The following NFASC variants were observed in gnomAD, a reference collection of about 807,000 sequenced individuals.
The protein encoded by NFASC is neurofascin.
A neutral mutation model predicts 147.5 loss-of-function variants in NFASC; 43 were observed. The observed-to-expected ratio is 0.29, with a 90% CI of 0.23 to 0.38. The LOEUF is 0.38. Ranked by LOEUF, NFASC falls within the 10% of genes least tolerant of loss-of-function variation. The probability of loss-of-function intolerance (pLI) is 1.00; values close to 1 mark genes in which losing one functional copy is unlikely to be tolerated. For missense variants in NFASC, 1,320 were observed against 1,689.0 expected, an observed-to-expected ratio of 0.78 and a Z score of 3.83; for synonymous variants, 622 against 665.5, an observed-to-expected ratio of 0.93 and a Z score of 1.01.
At position 204,918,043 on chromosome 1, in the gene NFASC, C is replaced by T. The variant is rs140874086; in HGVS notation, c.-199-2589C>T. On this transcript the variant is annotated intron_variant, in intron 1 of 29. Transcript: ENST00000339876. ...CACAGCCAAGACTACAGAATTTTTA[C>T]GCAATCTCATTAATCTTACTTTTGT... 5.1e-3 allele frequency among the ~76,000 whole-genome samples: 776 copies of T among 152,262 alleles called. 3 individuals are homozygous for T. The highest frequency in any genetic ancestry group is 6.1e-3 in the Non-Finnish European group (415 of 68,024).
At chr1:204,830,006 G>GGTGTGTGTGTGTGTGT (rs58294218) in intron 1 of NFASC, among the ~76,000 whole-genome samples, 42 of 144,100 alleles carry the variant, frequency 2.9e-4, no homozygotes, top group African/African-American at 8.0e-4. Context: ...TTTGGCATGG[G>GGTGTGTGTGTGTGTGT]GTGTGTGTGT....
intron 1 of NFASC, among the ~76,000 whole-genome samples, chr1:204,905,420 GT>G (rs1448400896): frequency 1.3e-5 from 2 of 150,698 alleles, no homozygotes; most frequent in Admixed American, 6.6e-5. Context: ...AAGGTGTCTC[GT>G]TGTGGTTTTG....
Position 204,988,730 on chromosome 1 carries a change from C to G in NFASC, c.2691C>G (p.Arg897=), listed in dbSNP as rs2095663179. 6.2e-7 allele frequency: 1 copy of G among 1,614,126 alleles called. No homozygotes were observed. Among genetic ancestry groups the G allele is most frequent in the Non-Finnish European group, 8.5e-7 (1 of 1,180,040 alleles). The part of the protein sequence containing the change: ...VQRTDPVSRY[R]FTLSARTQVG... ...GAACGGACCCCGTGTCACGCTACCGCTTTACCCTCAGCGCCAGGACGCAGG... is the reference window on the plus strand; with the variant it reads ...GAACGGACCCCGTGTCACGCTACCGGTTTACCCTCAGCGCCAGGACGCAGG... Residue 897 remains arginine (R), a synonymous_variant, in exon 23 of 30, where the codon CGC becomes CGG. Coordinates refer to ENST00000339876, the MANE Select transcript of NFASC (RefSeq NM_001005388.3).
At chr1:204,845,182 A>G (rs1381042212) in intron 1 of NFASC, among the ~76,000 whole-genome samples, 3 of 151,954 alleles carry the variant, frequency 2.0e-5, no homozygotes, top group Non-Finnish European at 4.4e-5. Context: ...CTAGAAAGGG[A>G]GCTGGAACTT....
intron 25 of NFASC, chr1:205,000,658 AC>A (rs1434278268): frequency 1.1e-5 from 2 of 187,280 alleles, no homozygotes. Flanking sequence ...ACAGATCAAA[AC>A]CCACTCTTTC....
chr1:205,005,982 T>C (rs2096099854), intron 27 of NFASC, among the ~76,000 whole-genome samples: 1 of 152,150 alleles, frequency 6.6e-6, no homozygotes, highest in African/African-American at 2.4e-5. Context: ...GCTGTCAGGG[T>C]GCATCAGAAC....
At chr1:204,946,900 C>T (rs1159876570) in intron 3 of NFASC, 12 of 422,992 alleles carry the variant, frequency 2.8e-5, no homozygotes, top group East Asian at 6.8e-5. Context: ...GGGATCCCAC[C>T]GCCCCTGACA....
chr1:205,002,633 G>T lies in NFASC; in HGVS notation c.3174G>T (p.Gln1058His). The T allele has an allele frequency of 6.4e-7, 1 of 1,560,472 alleles. No individual in the cohort carries two copies. Among genetic ancestry groups the T allele is most frequent in the Non-Finnish European group, 8.8e-7 (1 of 1,141,746 alleles). Residue 1058 changes from glutamine (Q) to histidine (H), a missense_variant, in exon 27 of 30, where the codon CAG (glutamine) becomes CAT (histidine). Physicochemically the swap from Gln to His is conservative, Grantham distance 24 (BLOSUM62 0). Coordinates refer to ENST00000339876, the MANE Select transcript of NFASC (RefSeq NM_001005388.3). The stretch of plus-strand genomic sequence containing the variant: ...AAAAAACTGTCCCAGTTAAGGCCCA[G>T]GCTCAGCCTATACAGCTGACAGACC... The part of the protein sequence containing the change: ...HTKKTVPVKA[Q>H]AQPIQLTDLY...
intron 28 of NFASC, among the ~76,000 whole-genome samples, chr1:205,011,994 G>A (rs1284823358): frequency 1.3e-5 from 2 of 152,152 alleles, no homozygotes; most frequent in Non-Finnish European, 1.5e-5. Flanking sequence ...CATGAGAATC[G>A]CTTGAACCCG....
chr1:204,974,590 G>A, intron 13 of NFASC, 67 bp from the exon 14 acceptor site: 1 of 1,556,500 alleles, frequency 6.4e-7, no homozygotes, highest in South Asian at 1.1e-5. Context: ...CTCTTGATTG[G>A]CTGCTGCCCC....
At chr1:204,915,718 C>T (rs957824440) in intron 1 of NFASC, among the ~76,000 whole-genome samples, 2 of 152,140 alleles carry the variant, frequency 1.3e-5, no homozygotes, top group African/African-American at 2.4e-5. Context: ...TCTAAATATT[C>T]AAGGGGTAGA....
intron 2 of NFASC, among the ~76,000 whole-genome samples, chr1:204,933,020 G>A (rs1459799879): frequency 6.6e-6 from 1 of 152,170 alleles, no homozygotes; most frequent in African/African-American, 2.4e-5. Context: ...AGCATTTGGG[G>A]TTGGTGGTGG....
At position 204,979,489 on chromosome 1, in the gene NFASC, C is replaced by T; in HGVS notation, c.2106C>T (p.Val702=). Residue 702 remains valine (V), a synonymous_variant, in exon 19 of 30, where the codon GTC becomes GTT. Transcript: ENST00000339876. The surrounding 1 kb of genome is among the most constrained non-coding windows in gnomAD (Gnocchi z 6.0). ...CGTATGTCAACTACCAGTTCCGTGT[C>T]ATTGCCATCAACGAGGTTGGGAGCA... ...LSPYVNYQFR[V]IAINEVGSSH... 1 of 1,613,916 alleles carries T rather than the reference C, an allele frequency of 6.2e-7. No individual in the cohort carries two copies. The highest frequency in any genetic ancestry group is 8.5e-7 in the Non-Finnish European group (1 of 1,180,032).
chr1:204,925,709 G>A (rs534500439), intron 2 of NFASC, among the ~76,000 whole-genome samples: 83 of 152,250 alleles, frequency 5.5e-4, no homozygotes, highest in African/African-American at 1.9e-3. Flanking sequence ...TCAGCCTATG[G>A]TTTTCAAATG....
Position 204,997,207 on chromosome 1 carries a change from G to C in NFASC, c.2820G>C (p.Thr940=), listed in dbSNP as rs769338935. Residue 940 remains threonine (T), a synonymous_variant, in exon 25 of 30, where the codon ACG becomes ACC. Transcript: ENST00000339876. ...PTLPPTTVGA[T]GAVSSTDATA... ...TGCCCCCGACTACCGTGGGTGCGAC[G>C]GGCGCTGTGAGCAGTACCGATGCTA... 9 of 1,613,534 alleles carry C rather than the reference G, an allele frequency of 5.6e-6. No individual in the cohort carries two copies. The African/African-American group carries it at 9.3e-5, about 17-fold the overall frequency.
chr1:204,931,414 C>T (rs954830384), intron 2 of NFASC, among the ~76,000 whole-genome samples: 3 of 152,172 alleles, frequency 2.0e-5, no homozygotes, highest in Non-Finnish European at 4.4e-5. Context: ...ATTTTTTTAT[C>T]CCAATGCAGA....
At chr1:204,869,424 T>C (rs943069883) in intron 1 of NFASC, among the ~76,000 whole-genome samples, 9 of 152,236 alleles carry the variant, frequency 5.9e-5, no homozygotes, top group African/African-American at 2.2e-4. Flanking sequence ...TGCTCAAAGA[T>C]AGTCATTCTT....
intron 1 of NFASC, among the ~76,000 whole-genome samples, chr1:204,842,678 C>G (rs1008628561): frequency 6.6e-6 from 1 of 152,260 alleles, no homozygotes; most frequent in African/African-American, 2.4e-5. Context: ...TTTATTCCCA[C>G]TGACCTGTGG....
intron 1 of NFASC, among the ~76,000 whole-genome samples, chr1:204,861,913 C>T (rs966158596): frequency 1.3e-5 from 2 of 152,212 alleles, no homozygotes; most frequent in African/African-American, 2.4e-5. Flanking sequence ...TTCTTAGCCT[C>T]TGGTCAAGAC....
Sources: allele counts gnomAD v4.1 joint callset (sites outside exome capture counted in the v4.1 genomes callset), GRCh38; gene constraint gnomAD v4.1.1; non-coding constraint Gnocchi (gnomAD v3.1); transcripts MANE v1.5; gene names NCBI Gene and HGNC (gene_info 2026-07-23, HGNC 2026-07-21).